DOCK2: variants seen among roughly 807,000 people sequenced by gnomAD.
DOCK2 encodes dedicator of cytokinesis protein 2.
In DOCK2, 87 loss-of-function variants were observed where a neutral mutation model predicts 248.9. The ratio of observed to expected loss-of-function variants is 0.35; its 90% CI spans 0.29 to 0.42. The LOEUF is 0.42. Among genes scored for constraint, DOCK2 ranks in the 10% least tolerant of loss-of-function variants. The pLI, the probability that DOCK2 is intolerant of heterozygous loss-of-function variation, is 1.00. For synonymous variants in DOCK2, 805 were observed against 821.6 expected (o/e 0.98, Z 0.35); for missense variants, 1,747 against 2,300.2 (o/e 0.76, Z 4.92).
chr5:170,051,316 C>T (rs1170916157), intron 41 of DOCK2, among the ~76,000 whole-genome samples: 3 of 152,186 alleles, frequency 2.0e-5, no homozygotes, highest in African/African-American at 7.2e-5. Context: ...CAACGTCAGC[C>T]CCACCCCCAT....
intron 48 of DOCK2, among the ~76,000 whole-genome samples, chr5:170,078,521 A>C (rs1450724596): frequency 3.9e-5 from 6 of 152,234 alleles, no homozygotes; most frequent in African/African-American, 1.4e-4. Flanking sequence ...TGCCAAGAAT[A>C]TGCCAAGGGT....
chr5:170,015,887 C>T (rs986934397), intron 32 of DOCK2, among the ~76,000 whole-genome samples: 1 of 150,082 alleles, frequency 6.7e-6, no homozygotes, highest in Non-Finnish European at 1.5e-5. Context: ...TCCTTCCCTC[C>T]TTCCTTCCTT....
intron 27 of DOCK2, among the ~76,000 whole-genome samples, chr5:169,889,688 C>G (rs750770295): frequency 1.9e-4 from 29 of 152,228 alleles, no homozygotes; most frequent in Admixed American, 1.1e-3. Context: ...CACACAGTTT[C>G]TGTTGCAACC....
chr5:169,866,980 T>TA (rs1424173894), intron 27 of DOCK2, among the ~76,000 whole-genome samples: 1 of 152,200 alleles, frequency 6.6e-6, no homozygotes, highest in Non-Finnish European at 1.5e-5. Flanking sequence ...TCCCCCCACT[T>TA]ACAAGTCCGG....
At chr5:169,907,389 T>A (rs1356218534) in intron 27 of DOCK2, among the ~76,000 whole-genome samples, 1 of 152,208 alleles carries the variant, frequency 6.6e-6, no homozygotes, top group Non-Finnish European at 1.5e-5. Context: ...TCTAGTCTAG[T>A]TCCTGTTTAC....
At chr5:170,029,916 C>T (rs1475048503) in intron 34 of DOCK2, among the ~76,000 whole-genome samples, 1 of 152,218 alleles carries the variant, frequency 6.6e-6, no homozygotes, top group East Asian at 1.9e-4. Flanking sequence ...TCAGCTGGCC[C>T]CTGTCCCCTT....
chr5:169,999,890 A>G (rs1754774587), intron 30 of DOCK2: 1 of 152,176 alleles, frequency 6.6e-6, no homozygotes. Flanking sequence ...GATTATCCCT[A>G]ATATCTTTCC....
chr5:169,724,299 G>T (rs1762356495), intron 22 of DOCK2, among the ~76,000 whole-genome samples: 1 of 152,154 alleles, frequency 6.6e-6, no homozygotes, highest in African/African-American at 2.4e-5. Context: ...ACAACAAGAT[G>T]AGCTGGAGCA....
chr5:169,896,384 G>A (rs1382721662), intron 27 of DOCK2, among the ~76,000 whole-genome samples: 3 of 152,118 alleles, frequency 2.0e-5, no homozygotes, highest in East Asian at 1.9e-4. Context: ...GAAAACAGAC[G>A]GCTTAGATTT....
At chr5:169,869,489 T>C (rs1297089791) in intron 27 of DOCK2, among the ~76,000 whole-genome samples, 2 of 152,234 alleles carry the variant, frequency 1.3e-5, no homozygotes, top group African/African-American at 4.8e-5. Context: ...ACTTTTCTTT[T>C]TATTCATCCG....
intron 26 of DOCK2, 70 bp from the exon 27 acceptor site, chr5:169,840,687 T>C: frequency 7.0e-7 from 1 of 1,434,732 alleles, no homozygotes. Context: ...CACTGTTGTC[T>C]GTGTCCTTTG....
rs1419079889 is a variant in DOCK2, at chr5:169,763,332, C to G, written c.2554+1707C>G. 6.6e-6 allele frequency among the ~76,000 whole-genome samples: 1 copy of G among 152,240 alleles called. No homozygotes were observed. Among genetic ancestry groups the G allele is most frequent in the Non-Finnish European group, 1.5e-5 (1 of 68,044 alleles). On this transcript the variant is annotated intron_variant, in intron 25 of 51. Transcript: ENST00000520908. The surrounding 1 kb of genome is among the most constrained non-coding windows in gnomAD (Gnocchi z 4.1). ...CCTCTCAGGATTTCAGGTGGTGCCACTGCAGAGGCAAATTGAGTCCCATCC... is the reference window on the plus strand; with the variant it reads ...CCTCTCAGGATTTCAGGTGGTGCCAGTGCAGAGGCAAATTGAGTCCCATCC...
At position 169,981,297 on chromosome 5, in the gene DOCK2, C is replaced by T. The variant is rs569221192; in HGVS notation, c.2800-1771C>T. ...GCTTCCTGTTTCTCTACCACTAGAACGAAATTGTAAACCTGGGAGGAAATA... is the reference window on the plus strand; with the variant it reads ...GCTTCCTGTTTCTCTACCACTAGAATGAAATTGTAAACCTGGGAGGAAATA... On this transcript the variant is annotated intron_variant, in intron 27 of 51. Coordinates refer to ENST00000520908, the MANE Select transcript of DOCK2 (RefSeq NM_004946.3). Among the ~76,000 whole-genome samples the T allele has an allele frequency of 1.1e-4, 16 of 152,222 alleles. No homozygotes were observed. In the South Asian group the frequency reaches 1.5e-3, roughly 14 times the overall value.
Position 170,067,512 on chromosome 5 carries a change from C to A in DOCK2, c.4470C>A (p.Thr1490=). 6.2e-7 allele frequency: 1 copy of A among 1,612,430 alleles called. No individual in the cohort carries two copies. The highest frequency in any genetic ancestry group is 8.5e-7 in the Non-Finnish European group (1 of 1,179,280). ...CTTGGTGATCTCATTTTCAACAGAC[C>A]ACAATTAGTCCTCTGGAGAATGCCA... ...RWFEVVHMSQ[T]TISPLENAIE... is the part of the protein sequence containing the mutation. The change falls in exon 45 of 52, where the codon ACC becomes ACA. Residue 1490 remains threonine, a splice_region_variant and synonymous_variant. Transcript: ENST00000520908.
chr5:169,781,791 C>G (rs1329921561), intron 25 of DOCK2, among the ~76,000 whole-genome samples: 1 of 152,190 alleles, frequency 6.6e-6, no homozygotes, highest in African/African-American at 2.4e-5. Context: ...TCTCCCGCCC[C>G]CACAGAGAGG....
chr5:169,708,568 CTTTTT>C (rs35842616), intron 15 of DOCK2, among the ~76,000 whole-genome samples: 1 of 144,274 alleles, frequency 6.9e-6, no homozygotes, highest in Admixed American at 6.9e-5. Context: ...TAGCATTCTT[CTTTTT>C]TTTTTTTTTG....
intron 30 of DOCK2, among the ~76,000 whole-genome samples, chr5:170,008,211 A>G (rs112075027): frequency 0.083 from 5,632 of 67,746 alleles, 394 homozygotes; most frequent in African/African-American, 0.38. Flanking sequence ...CAACAACAAC[A>G]ACAACAACAA....
In DOCK2 at chr5:169,859,874, GTATTT is replaced by G. The variant is rs368917310; in HGVS notation, c.2799+19026_2799+19030del. 3.4e-3 allele frequency among the ~76,000 whole-genome samples: 518 copies of G among 150,746 alleles called. 3 individuals carry two copies. Among genetic ancestry groups the G allele is most frequent in the African/African-American group, 0.012 (475 of 41,002 alleles). On this transcript the variant is annotated intron_variant, in intron 27 of 51. Transcript: ENST00000520908. ...TCTTTAATTCCCGGAGTGCTGTGCT[GTATTT>G]TATGTGCCCATGTGCTCTTTTGAAT...
chr5:169,867,407 CTCTGTCTGTCTG>C (rs56110833), intron 27 of DOCK2, among the ~76,000 whole-genome samples: 10 of 149,194 alleles, frequency 6.7e-5, no homozygotes, highest in South Asian at 2.2e-4. Context: ...GTGAAAACCT[CTCTGTCTGTCTG>C]TCTGTCTGTC....
Sources: gnomAD v4.1 joint callset for allele counts (sites outside exome capture counted in the v4.1 genomes callset) on GRCh38, gnomAD v4.1.1 for gene constraint, Gnocchi (gnomAD v3.1) non-coding constraint, MANE v1.5 for transcripts, NCBI Gene and HGNC (gene_info 2026-07-23, HGNC 2026-07-21) for gene names.